Variants in CARMIL1 observed in about 807,000 individuals in gnomAD.
The protein encoded by CARMIL1 is capping protein regulator and myosin 1 linker 1, also known as F-actin-uncapping protein LRRC16A.
Under a neutral mutation model 177.1 loss-of-function variants are expected in CARMIL1, and 90 were observed. The ratio of observed to expected loss-of-function variants is 0.51; its 90% CI spans 0.43 to 0.61. CARMIL1 has a LOEUF of 0.61. Among genes scored for constraint, CARMIL1 ranks in the 20% least tolerant of loss-of-function variants. The probability of loss-of-function intolerance (pLI) is 0.00; values close to 1 mark genes in which losing one functional copy is unlikely to be tolerated. For synonymous variants in CARMIL1, 577 were observed against 606.2 expected, an observed-to-expected ratio of 0.95 and a Z score of 0.71; for missense variants, 1,380 against 1,667.0, an observed-to-expected ratio of 0.83 and a Z score of 3.00.
At chr6:25,503,417 G>A (rs1235395662) in intron 17 of CARMIL1, among the ~76,000 whole-genome samples, 1 of 152,160 alleles carries the variant, frequency 6.6e-6, no homozygotes, top group Admixed American at 6.5e-5. Context: ...CCACATTTAA[G>A]TAGGTTTCAG....
At chr6:25,293,812 C>T (rs978948576) in intron 2 of CARMIL1, among the ~76,000 whole-genome samples, 2 of 152,120 alleles carry the variant, frequency 1.3e-5, no homozygotes, top group Non-Finnish European at 2.9e-5. Context: ...ACCTGTGCCA[C>T]CCAGGCTCAA....
At chr6:25,446,459 T>C (rs1308998491) in intron 5 of CARMIL1, among the ~76,000 whole-genome samples, 1 of 152,220 alleles carries the variant, frequency 6.6e-6, no homozygotes, top group East Asian at 1.9e-4. Context: ...CAACGTTTGG[T>C]AGCTTCCAAC....
At chr6:25,532,849 C>A (rs180917721) in intron 24 of CARMIL1, among the ~76,000 whole-genome samples, 66 of 152,216 alleles carry the variant, frequency 4.3e-4, no homozygotes, top group African/African-American at 1.6e-3. Context: ...GGCTTTGGAG[C>A]CCATAGGATC....
intron 8 of CARMIL1, among the ~76,000 whole-genome samples, chr6:25,455,567 G>A (rs1043810146): frequency 2.0e-5 from 3 of 152,196 alleles, no homozygotes; most frequent in Admixed American, 2.0e-4. Context: ...AAGCCTGCCA[G>A]ATTACTTAAA....
chr6:25,596,397 CAA>C (rs1267368662), intron 32 of CARMIL1, among the ~76,000 whole-genome samples: 1 of 152,060 alleles, frequency 6.6e-6, no homozygotes, highest in Non-Finnish European at 1.5e-5. Flanking sequence ...GTTTGAAAAT[CAA>C]AGTTATAAAT....
intron 2 of CARMIL1, among the ~76,000 whole-genome samples, chr6:25,399,176 T>G (rs939005369): frequency 6.6e-6 from 1 of 152,182 alleles, no homozygotes; most frequent in Non-Finnish European, 1.5e-5. Flanking sequence ...GCACAGCCTT[T>G]TGTGGCTAGA....
At chr6:25,401,951 C>T (rs985984) in intron 2 of CARMIL1, among the ~76,000 whole-genome samples, 1 of 151,282 alleles carries the variant, frequency 6.6e-6, no homozygotes, top group African/African-American at 2.4e-5. Flanking sequence ...AGACCTGGCT[C>T]TCAGCCTACT....
rs755114295 is a variant in CARMIL1, at chr6:25,556,698, T to C, written c.2593-3T>C. On this transcript the variant is annotated splice_region_variant and splice_polypyrimidine_tract_variant and intron_variant, in intron 28 of 36. Coordinates refer to ENST00000329474, the MANE Select transcript of CARMIL1 (RefSeq NM_017640.6). ...TCTCCTCGTACACGTCTTGACCTTC[T>C]AGGCTGACCATTTCAGCAGACGTGG... 1.2e-6 allele frequency: 2 copies of C among 1,612,212 alleles called. No homozygotes were observed. The highest frequency in any genetic ancestry group is 2.2e-5 in the South Asian group (2 of 90,944).
rs145778008 is a variant in CARMIL1 at position 25,554,519 on chromosome 6, G to T, written c.2592+423G>T. Reference sequence around the variant, plus strand: ...TAAAGAAAGTGCAAGAACAAAATGGGCATAATTTAGTAATGGATAGCTGCT... The same window carrying T: ...TAAAGAAAGTGCAAGAACAAAATGGTCATAATTTAGTAATGGATAGCTGCT... On this transcript the variant is annotated intron_variant, in intron 28 of 36. Transcript: ENST00000329474. This position sits in a 1 kb window ranked among gnomAD's most constrained non-coding sequence, Gnocchi z 4.6. Among the ~76,000 whole-genome samples, 1 of 152,264 alleles carries T rather than the reference G, an allele frequency of 6.6e-6. No homozygotes were observed. Among genetic ancestry groups the T allele is most frequent in the East Asian group, 1.9e-4 (1 of 5,190 alleles).
intron 2 of CARMIL1, among the ~76,000 whole-genome samples, chr6:25,336,777 A>G (rs1401657902): frequency 6.6e-6 from 1 of 152,232 alleles, no homozygotes; most frequent in Non-Finnish European, 1.5e-5. Flanking sequence ...AAGTCAGGAA[A>G]CACAGAACAC....
rs1443125241 is a variant in CARMIL1 at position 25,444,661 on chromosome 6, A to G, written c.372-5237A>G. On this transcript the variant is annotated intron_variant, in intron 5 of 36. Coordinates refer to ENST00000329474, the MANE Select transcript of CARMIL1 (RefSeq NM_017640.6). Reference sequence around the variant, plus strand: ...TCCTTGTGATAGTTTGCTGAGAATGATGGTTTCCAGCCTCATCCATGTCCC... The same window carrying G: ...TCCTTGTGATAGTTTGCTGAGAATGGTGGTTTCCAGCCTCATCCATGTCCC... 4.6e-5 allele frequency among the ~76,000 whole-genome samples: 7 copies of G among 152,244 alleles called. No individual in the cohort carries two copies. The East Asian group carries it at 9.6e-4, about 21-fold the overall frequency.
intron 29 of CARMIL1, among the ~76,000 whole-genome samples, chr6:25,578,563 T>C (rs1812810726): frequency 1.3e-5 from 2 of 152,144 alleles, no homozygotes; most frequent in African/African-American, 4.8e-5. Context: ...AAGAATTACT[T>C]CCAAAGAAAA....
intron 8 of CARMIL1, among the ~76,000 whole-genome samples, chr6:25,451,314 A>C (rs1798895685): frequency 6.6e-6 from 1 of 152,034 alleles, no homozygotes; most frequent in Non-Finnish European, 1.5e-5. Context: ...CTGTCTATAA[A>C]ATGTAGTATT....
At position 25,459,266 on chromosome 6, in the gene CARMIL1, C is replaced by CTTTCTTTCTTTCTTTCTTTCTT; in HGVS notation, c.615-6604_615-6603insCTTTCTTTCTTTCTTTCTTTTT. ...TCTTTCTTTCTTTCTTTCTTTCTTT[C>CTTTCTTTCTTTCTTTCTTTCTT]TTTTTTTTTTTTTTAAGACAGGGTC... On this transcript the variant is annotated intron_variant, in intron 8 of 36. Transcript: ENST00000329474. 1.5e-3 allele frequency among the ~76,000 whole-genome samples: 107 copies of CTTTCTTTCTTTCTTTCTTTCTT among 73,706 alleles called. 1 individual carries two copies. The highest frequency in any genetic ancestry group is 4.6e-3 in the African/African-American group (93 of 20,304). The allele number at this position is 73,706 out of a possible 152,430, so 48.4% of individuals were successfully genotyped here.
chr6:25,403,610 C>A (rs535626780), intron 2 of CARMIL1, among the ~76,000 whole-genome samples: 4 of 152,190 alleles, frequency 2.6e-5, no homozygotes, highest in African/African-American at 7.2e-5. Context: ...TGCCTCAGGG[C>A]CTTTGCGTTT....
intron 31 of CARMIL1, among the ~76,000 whole-genome samples, chr6:25,586,547 C>G (rs1813723056): frequency 1.3e-5 from 2 of 151,780 alleles, no homozygotes; most frequent in African/African-American, 4.9e-5. Flanking sequence ...ACTTCCCAGA[C>G]GGGGTGGCGG....
chr6:25,518,379 C>G (rs546432787), intron 22 of CARMIL1, among the ~76,000 whole-genome samples: 26 of 152,304 alleles, frequency 1.7e-4, no homozygotes, highest in African/African-American at 6.0e-4. Flanking sequence ...TAAATGATCT[C>G]TAAGCCCCTT....
intron 2 of CARMIL1, among the ~76,000 whole-genome samples, chr6:25,383,025 A>T (rs904465629): frequency 1.3e-5 from 2 of 152,134 alleles, no homozygotes; most frequent in Non-Finnish European, 2.9e-5. Context: ...TGAAGTCCAA[A>T]TGAGGGCAGA....
chr6:25,322,827 C>G (rs1404393272), intron 2 of CARMIL1, among the ~76,000 whole-genome samples: 2 of 152,184 alleles, frequency 1.3e-5, no homozygotes, highest in Non-Finnish European at 2.9e-5. Flanking sequence ...ACAGTTTTCA[C>G]AGGACTGATT....
Sources: allele counts gnomAD v4.1 joint callset (sites outside exome capture counted in the v4.1 genomes callset), GRCh38; gene constraint gnomAD v4.1.1; non-coding constraint Gnocchi (gnomAD v3.1); transcripts MANE v1.5; gene names NCBI Gene and HGNC (gene_info 2026-07-23, HGNC 2026-07-21).